Variants in RAB30 observed in about 807,000 individuals in gnomAD.
The protein encoded by RAB30 is RAB30, member RAS oncogene family.
A neutral mutation model predicts 25.1 loss-of-function variants in RAB30; 9 were observed. The observed-to-expected ratio is 0.36, with a 90% CI of 0.22 to 0.63. The LOEUF (loss-of-function observed/expected upper bound fraction) is 0.63. Among genes scored for constraint, RAB30 ranks in the 20% least tolerant of loss-of-function variants. The pLI, the probability that RAB30 is intolerant of heterozygous loss-of-function variation, is 0.69. For synonymous variants in RAB30, 77 were observed against 86.4 expected, an observed-to-expected ratio of 0.89 and a Z score of 0.60; for missense variants, 140 against 243.5, an observed-to-expected ratio of 0.58 and a Z score of 2.83.
chr11:83,046,323 A>T (rs1346907571), intron 1 of RAB30, among the ~76,000 whole-genome samples: 1 of 152,036 alleles, frequency 6.6e-6, no homozygotes, highest in Non-Finnish European at 1.5e-5. Flanking sequence ...ACCTCTAGGG[A>T]TCCTTTTCTA....
chr11:82,993,984 T>TCC, intron 3 of RAB30, 55 bp downstream of exon 3: 1 of 1,362,806 alleles, frequency 7.3e-7, no homozygotes, highest in South Asian at 1.2e-5. Context: ...AAGCAGTACT[T>TCC]CCCCTAACCT....
intron 1 of RAB30, among the ~76,000 whole-genome samples, chr11:83,019,527 C>T (rs1466437175): frequency 1.3e-5 from 2 of 152,134 alleles, no homozygotes; most frequent in Non-Finnish European, 2.9e-5. Context: ...CACTCCCCTG[C>T]CCCGTCTTTC....
At chr11:82,990,635 CA>C (rs1197407953) in intron 3 of RAB30, among the ~76,000 whole-genome samples, 1 of 152,164 alleles carries the variant, frequency 6.6e-6, no homozygotes, top group Non-Finnish European at 1.5e-5. Flanking sequence ...AGAGATACAG[CA>C]AATCTTCTAT....
rs1376742484 is a variant in RAB30, at chr11:82,979,443, C to T, written c.*2722G>A. On this transcript the variant is annotated 3_prime_UTR_variant, in exon 5 of 5. Coordinates refer to ENST00000527633, the MANE Select transcript of RAB30 (RefSeq NM_001286060.2). ...AGTTCATTTTTATCTAAAGAAGGCT[C>T]ATCTTAGCAAATATTGCCATGACAA... 6.6e-6 allele frequency: 1 copy of T among 152,134 alleles called. No individual in the cohort carries two copies. The highest frequency in any genetic ancestry group is 1.9e-4 in the East Asian group (1 of 5,198). 9.4% of individuals were successfully genotyped at this position (152,134 alleles called of 1,614,324 possible). A position where few individuals can be genotyped will look rare whatever the true frequency, so the allele number is the denominator to read the frequency against.
chr11:83,071,594 AC>A (rs139919358), intron 1 of RAB30, 96 bp downstream of exon 1: 1,947 of 149,526 alleles, frequency 0.013, 35 homozygotes, highest in Middle Eastern at 0.048. Context: ...AATCCCCCCC[AC>A]CTCCCCACCG....
chr11:82,988,180 C>T (rs1856778948), intron 3 of RAB30, among the ~76,000 whole-genome samples: 2 of 152,164 alleles, frequency 1.3e-5, no homozygotes, highest in African/African-American at 4.8e-5. Flanking sequence ...CCATTTCTTG[C>T]ATGAATAAAC....
intron 1 of RAB30, among the ~76,000 whole-genome samples, chr11:83,008,919 G>A (rs1857244365): frequency 1.3e-5 from 2 of 152,222 alleles, no homozygotes; most frequent in Non-Finnish European, 2.9e-5. Flanking sequence ...AACTCCTTAG[G>A]TAGGATGGTG....
chr11:83,029,471 T>C (rs1857803213), intron 1 of RAB30, among the ~76,000 whole-genome samples: 1 of 151,962 alleles, frequency 6.6e-6, no homozygotes, highest in Non-Finnish European at 1.5e-5. Context: ...GGTGTCATCA[T>C]GGCTCACTGC....
At chr11:83,020,790 C>A (rs934364166) in intron 1 of RAB30, among the ~76,000 whole-genome samples, 1 of 152,148 alleles carries the variant, frequency 6.6e-6, no homozygotes, top group Non-Finnish European at 1.5e-5. Flanking sequence ...GAGGAGCTAC[C>A]TTCTCTGCTG....
intron 1 of RAB30, among the ~76,000 whole-genome samples, chr11:83,050,632 G>C (rs1374728712): frequency 6.6e-6 from 1 of 152,172 alleles, no homozygotes; most frequent in Non-Finnish European, 1.5e-5. Context: ...ATAGAGCTTT[G>C]TTTTAAAGTG....
At chr11:83,046,952 G>A (rs1441179059) in intron 1 of RAB30, among the ~76,000 whole-genome samples, 1 of 152,162 alleles carries the variant, frequency 6.6e-6, no homozygotes, top group Admixed American at 6.5e-5. Context: ...TTTAAACCCT[G>A]ACATTTTAAC....
chr11:83,024,023 A>G (rs1245528644), intron 1 of RAB30, among the ~76,000 whole-genome samples: 1 of 152,170 alleles, frequency 6.6e-6, no homozygotes, highest in Admixed American at 6.5e-5. Flanking sequence ...TACTTATAAG[A>G]CTATCTACTC....
In RAB30 at chr11:82,976,569, T is replaced by C. The variant is rs1451753225; in HGVS notation, c.*5596A>G. On this transcript the variant is annotated 3_prime_UTR_variant, in exon 5 of 5. Coordinates refer to ENST00000527633, the MANE Select transcript of RAB30 (RefSeq NM_001286060.2). The stretch of plus-strand genomic sequence containing the variant: ...CTCCAAAAATTCTGCTTTAAATCAA[T>C]GGAAAAGTAAAATTTTGGCTCATAC... 2.0e-5 allele frequency: 3 copies of C among 152,148 alleles called. No homozygotes were observed. Among genetic ancestry groups the C allele is most frequent in the Non-Finnish European group, 4.4e-5 (3 of 68,034 alleles). 9.4% of individuals were successfully genotyped at this position (152,148 alleles called of 1,614,324 possible). A position where few individuals can be genotyped will look rare whatever the true frequency, so the allele number is the denominator to read the frequency against.
At chr11:82,984,437 T>C (rs1385538700) in intron 4 of RAB30, among the ~76,000 whole-genome samples, 1 of 152,164 alleles carries the variant, frequency 6.6e-6, no homozygotes, top group Admixed American at 6.5e-5. Context: ...TAGGAGGTCC[T>C]GGAAAATTAC....
At chr11:83,031,121 T>C (rs544868053) in intron 1 of RAB30, among the ~76,000 whole-genome samples, 1 of 152,174 alleles carries the variant, frequency 6.6e-6, no homozygotes, top group Non-Finnish European at 1.5e-5. Context: ...AGGAAACCAA[T>C]CCTGCCAGCA....
intron 1 of RAB30, among the ~76,000 whole-genome samples, chr11:83,003,965 T>C (rs1197665458): frequency 2.0e-5 from 3 of 152,198 alleles, no homozygotes; most frequent in African/African-American, 7.2e-5. Flanking sequence ...AGAGGATAGC[T>C]TCACAGTAAC....
intron 1 of RAB30, among the ~76,000 whole-genome samples, chr11:83,005,038 C>G (rs1015929644): frequency 3.3e-5 from 5 of 152,140 alleles, no homozygotes; most frequent in Non-Finnish European, 2.9e-5. Flanking sequence ...GTCAAACACC[C>G]ACCTGTGCTG....
rs559925562 is a variant in RAB30, at chr11:83,000,383, T to C, written c.-8-3059A>G. Among the ~76,000 whole-genome samples the C allele has an allele frequency of 7.9e-5, 12 of 152,352 alleles. No individual in the cohort carries two copies. In the South Asian group the frequency reaches 2.5e-3, roughly 32 times the overall value. On this transcript the variant is annotated intron_variant, in intron 1 of 4. Transcript: ENST00000527633. ...AAAACTCTACCACCCTGTAGAAGTT[T>C]AAATAAGAATCAAAGTCAAACTCCT...
intron 1 of RAB30, among the ~76,000 whole-genome samples, chr11:83,051,985 C>T (rs1395954815): frequency 6.6e-6 from 1 of 152,190 alleles, no homozygotes; most frequent in Admixed American, 6.5e-5. Context: ...ATCACCAAAG[C>T]TTCTGGTAGC....
Sources: allele counts gnomAD v4.1 joint callset (sites outside exome capture counted in the v4.1 genomes callset), GRCh38; gene constraint gnomAD v4.1.1; transcripts MANE v1.5; gene names NCBI Gene and HGNC (gene_info 2026-07-23, HGNC 2026-07-21).